The following RNF121 variants were observed in gnomAD, a reference collection of about 807,000 sequenced individuals.
The protein encoded by RNF121 is E3 ubiquitin ligase RNF121.
RNF121 carries 21 observed loss-of-function variants against 46.5 expected under a neutral mutation model. That is an observed-to-expected ratio of 0.45 (90% confidence interval 0.32 to 0.65). The LOEUF is 0.65. RNF121 is among the 30% of genes least tolerant of loss of function. The pLI, the probability that RNF121 is intolerant of heterozygous loss-of-function variation, is 0.04. For missense variants in RNF121, 346 were observed against 416.0 expected, an observed-to-expected ratio of 0.83 and a Z score of 1.46; for synonymous variants, 139 against 144.7, an observed-to-expected ratio of 0.96 and a Z score of 0.28.
At chr11:71,990,755 A>C in intron 6 of RNF121, 38 bp downstream of exon 6, 2 of 1,607,930 alleles carry the variant, frequency 1.2e-6, no homozygotes, top group Non-Finnish European at 1.7e-6. Context: ...GCTTCTTGAC[A>C]CCTCCAAATT....
chr11:71,937,123 G>A (rs7102192), intron 1 of RNF121, among the ~76,000 whole-genome samples: 130,843 of 152,188 alleles, frequency 0.86, 56,961 homozygotes, highest in Non-Finnish European at 0.94. Flanking sequence ...GTGAGTCATC[G>A]GCACTGCTTT....
At position 71,996,165 on chromosome 11, in the gene RNF121, CAG is replaced by C. The variant is rs770904090; in HGVS notation, c.864-27_864-26del. ...TAGATCACTCCTGGCAGCTCTTGCA[CAG>C]AGTCTCTTTTCTTTAACACACTGAC... On this transcript the variant is annotated intron_variant, in intron 8 of 8. Coordinates refer to ENST00000361756, the MANE Select transcript of RNF121 (RefSeq NM_018320.5). 82 of 1,613,084 alleles carry C rather than the reference CAG, an allele frequency of 5.1e-5. 1 individual carries two copies. Among genetic ancestry groups the C allele is most frequent in the South Asian group, 3.3e-4 (30 of 90,990 alleles).
In RNF121 at chr11:71,929,232, G is replaced by C. The variant is rs1953200589; in HGVS notation, c.63+108G>C. 9.6e-6 allele frequency: 14 copies of C among 1,461,556 alleles called. No individual in the cohort carries two copies. In the South Asian group the frequency reaches 1.9e-4, roughly 20 times the overall value. The allele number at this position is 1,461,556 out of a possible 1,614,324, so 90.5% of individuals were successfully genotyped here. On this transcript the variant is annotated intron_variant, in intron 1 of 8. Coordinates refer to ENST00000361756, the MANE Select transcript of RNF121 (RefSeq NM_018320.5). The stretch of plus-strand genomic sequence containing the variant: ...GGAGAGAAGGGAAAGATCCTGAGAG[G>C]GAAGGAGCTGACTAGGGGGCGGGTG...
At position 71,996,526 on chromosome 11, in the gene RNF121, A is replaced by C. The variant is rs565880584; in HGVS notation, c.*211A>C. ...GTGGGGGGCTTTTTAAAAGAAAACTATTTTGATGAATATATTTAAAAAACC... is the reference window on the plus strand; with the variant it reads ...GTGGGGGGCTTTTTAAAAGAAAACTCTTTTGATGAATATATTTAAAAAACC... On this transcript the variant is annotated 3_prime_UTR_variant, in exon 9 of 9. Transcript: ENST00000361756. 3 of 521,736 alleles carry C rather than the reference A, an allele frequency of 5.8e-6. No homozygotes were observed. Among genetic ancestry groups the C allele is most frequent in the South Asian group, 5.7e-5 (2 of 35,242 alleles). 32.3% of individuals were successfully genotyped at this position (521,736 alleles called of 1,614,324 possible).
intron 4 of RNF121, among the ~76,000 whole-genome samples, chr11:71,984,601 T>A (rs1027280408): frequency 6.9e-6 from 1 of 145,912 alleles, no homozygotes; most frequent in Non-Finnish European, 1.5e-5. Context: ...GCTATTTATT[T>A]ATTTATTTAG....
intron 1 of RNF121, among the ~76,000 whole-genome samples, chr11:71,947,013 A>T (rs1388258583): frequency 6.6e-6 from 1 of 151,636 alleles, no homozygotes; most frequent in Non-Finnish European, 1.5e-5. Context: ...GATTACAGGC[A>T]TGCGCCACCA....
chr11:71,960,849 G>C lies in RNF121; in HGVS notation c.201G>C (p.Leu67=), dbSNP rs778827395. ...ILIATLVVAQ[L]LLVQWKQRHP... Reference sequence around the variant, plus strand: ...TCGCAACCTTGGTGGTGGCCCAGCTGCTCCTGGTGCAGTGGAAGCAGAGGC... The same window carrying C: ...TCGCAACCTTGGTGGTGGCCCAGCTCCTCCTGGTGCAGTGGAAGCAGAGGC... Residue 67 remains leucine, a synonymous_variant, in exon 3 of 9, where the codon CTG becomes CTC. Coordinates refer to ENST00000361756, the MANE Select transcript of RNF121 (RefSeq NM_018320.5). The C allele has an allele frequency of 6.2e-7, 1 of 1,614,132 alleles. No homozygotes were observed. Among genetic ancestry groups the C allele is most frequent in the East Asian group, 2.2e-5 (1 of 44,888 alleles).
At chr11:71,949,490 A>G (rs767420101) in intron 1 of RNF121, among the ~76,000 whole-genome samples, 2 of 152,108 alleles carry the variant, frequency 1.3e-5, no homozygotes, top group African/African-American at 2.4e-5. Flanking sequence ...CCAGGCAGGC[A>G]GATCACTTGA....
intron 4 of RNF121, among the ~76,000 whole-genome samples, chr11:71,984,026 G>A (rs1283154509): frequency 6.6e-6 from 1 of 152,218 alleles, no homozygotes; most frequent in African/African-American, 2.4e-5. Context: ...AGGATGTGGA[G>A]CCAGATGAAT....
At chr11:71,952,872 C>T (rs946999497) in intron 1 of RNF121, among the ~76,000 whole-genome samples, 22 of 152,290 alleles carry the variant, frequency 1.4e-4, no homozygotes, top group African/African-American at 5.1e-4. Context: ...TATCGATCAC[C>T]TCAAATACTT....
chr11:71,954,613 A>G (rs370145143), intron 1 of RNF121, among the ~76,000 whole-genome samples: 1 of 152,168 alleles, frequency 6.6e-6, no homozygotes, highest in African/African-American at 2.4e-5. Context: ...TTATTTCTCT[A>G]TTTTCTAGAT....
rs1954844684 is a variant in RNF121 at position 71,990,514 on chromosome 11, C to T, written c.507-83C>T. The T allele has an allele frequency of 2.6e-6, 4 of 1,536,966 alleles. No individual in the cohort carries two copies. The East Asian group carries it at 9.0e-5, about 35-fold the overall frequency. On this transcript the variant is annotated intron_variant, in intron 5 of 8. Transcript: ENST00000361756. ...GCCTTTGGGCCTTCTCGCTTTGGGC[C>T]CTGCCTTGTGTGTCCCAGAGTAGTA... is the stretch of plus-strand genomic sequence containing the variant.
At chr11:71,961,007 G>T (rs183945062) in intron 3 of RNF121, 116 bp downstream of exon 3, 6 of 1,168,874 alleles carry the variant, frequency 5.1e-6, no homozygotes, top group African/African-American at 4.6e-5. Context: ...CAATAACAAT[G>T]AACTTTATGT....
At chr11:71,950,870 A>G (rs1375905584) in intron 1 of RNF121, among the ~76,000 whole-genome samples, 1 of 152,052 alleles carries the variant, frequency 6.6e-6, no homozygotes, top group Non-Finnish European at 1.5e-5. Context: ...ATTATAGCTC[A>G]CTCCAGAACT....
At chr11:71,978,999 A>G (rs1033072066) in intron 3 of RNF121, among the ~76,000 whole-genome samples, 4 of 152,240 alleles carry the variant, frequency 2.6e-5, no homozygotes, top group African/African-American at 9.6e-5. Context: ...GAAGGCTAAC[A>G]GAATCATTGA....
At position 71,942,691 on chromosome 11, in the gene RNF121, G is replaced by A. The variant is rs1333297968; in HGVS notation, c.63+13567G>A. Among the ~76,000 whole-genome samples the A allele has an allele frequency of 4.0e-5, 6 of 151,570 alleles. No homozygotes were observed. The East Asian group carries it at 9.7e-4, about 24-fold the overall frequency. On this transcript the variant is annotated intron_variant, in intron 1 of 8. Transcript: ENST00000361756. ...AGGCAGGAGAATCGCTTGAACCTGG[G>A]AGGCGGAGGTTGCAGTGAGCCAAGA...
At chr11:71,973,657 G>C (rs1954466176) in intron 3 of RNF121, among the ~76,000 whole-genome samples, 1 of 151,648 alleles carries the variant, frequency 6.6e-6, no homozygotes, top group Middle Eastern at 3.4e-3. Context: ...TGTGGTGGCA[G>C]GTGCCTGTAA....
rs779330877 is a variant in RNF121 at position 71,997,160 on chromosome 11, T to A, written c.*845T>A. 4 of 152,196 alleles carry A rather than the reference T, an allele frequency of 2.6e-5. No homozygotes were observed. The highest frequency in any genetic ancestry group is 5.9e-5 in the Non-Finnish European group (4 of 68,046). The allele number at this position is 152,196 out of a possible 1,614,324, so 9.4% of individuals were successfully genotyped here. ...AGTGGTGACACGTGCCAGCGGTCACTCTGCCACATCACTTCCTTCTTGAAA... is the reference window on the plus strand; with the variant it reads ...AGTGGTGACACGTGCCAGCGGTCACACTGCCACATCACTTCCTTCTTGAAA... On this transcript the variant is annotated 3_prime_UTR_variant, in exon 9 of 9. Coordinates refer to ENST00000361756, the MANE Select transcript of RNF121 (RefSeq NM_018320.5).
At chr11:71,940,862 T>C (rs990372629) in intron 1 of RNF121, among the ~76,000 whole-genome samples, 2 of 152,240 alleles carry the variant, frequency 1.3e-5, no homozygotes, top group African/African-American at 4.8e-5. Flanking sequence ...TTGAGTTTGT[T>C]CTTGAGGATT....
Sources: gnomAD v4.1 joint callset for allele counts (sites outside exome capture counted in the v4.1 genomes callset) on GRCh38, gnomAD v4.1.1 for gene constraint, MANE v1.5 for transcripts, NCBI Gene and HGNC (gene_info 2026-07-23, HGNC 2026-07-21) for gene names.